KHDRBS2: variants seen among roughly 807,000 people sequenced by gnomAD.
The protein encoded by KHDRBS2 is KH RNA binding domain containing, signal transduction associated 2.
In KHDRBS2, 26 loss-of-function variants were observed where a neutral mutation model predicts 44.3. The observed-to-expected ratio is 0.59, with a 90% CI of 0.43 to 0.81. The LOEUF (loss-of-function observed/expected upper bound fraction) is 0.81. Ranked by LOEUF, KHDRBS2 falls within the 40% of genes least tolerant of loss-of-function variation. KHDRBS2 has a pLI of 0.00. For synonymous variants in KHDRBS2, 194 were observed against 151.1 expected (o/e 1.28, Z -2.08); for missense variants, 476 against 433.1 (o/e 1.10, Z -0.88).
chr6:62,233,247 C>G (rs528021455), intron 1 of KHDRBS2, among the ~76,000 whole-genome samples: 5 of 152,042 alleles, frequency 3.3e-5, no homozygotes, highest in Admixed American at 3.3e-4. Flanking sequence ...ATACATCCAA[C>G]AATAATCTCC....
the KHDRBS2 span, among the ~76,000 whole-genome samples, chr6:61,631,038 T>C: frequency 6.6e-6 from 1 of 151,908 alleles, no homozygotes; most frequent in Non-Finnish European, 1.5e-5. Flanking sequence ...GGAAGTTAAA[T>C]TTGATCCAAA....
chr6:62,235,465 C>T (rs2150162485), intron 1 of KHDRBS2, among the ~76,000 whole-genome samples: 1 of 152,078 alleles, frequency 6.6e-6, no homozygotes. Flanking sequence ...TTAATTATTA[C>T]AGAGAATTTT....
intron 4 of KHDRBS2, among the ~76,000 whole-genome samples, chr6:61,953,323 C>CTTACAAGACTTGTT (rs1432462873): frequency 6.6e-6 from 1 of 151,938 alleles, no homozygotes; most frequent in Non-Finnish European, 1.5e-5. Context: ...TTTTCAAAAA[C>CTTACAAGACTTGTT]TTACAAGACT....
chr6:62,008,493 T>A (rs1779683045), intron 3 of KHDRBS2, among the ~76,000 whole-genome samples: 1 of 152,226 alleles, frequency 6.6e-6, no homozygotes, highest in African/African-American at 2.4e-5. Context: ...ATTACAAGTC[T>A]ACAGATTTGA....
chr6:61,913,475 T>C (rs1347698423), intron 4 of KHDRBS2, among the ~76,000 whole-genome samples: 1 of 151,776 alleles, frequency 6.6e-6, no homozygotes, highest in African/African-American at 2.4e-5. Flanking sequence ...CTTTATTGCC[T>C]TCCTCAGTGA....
chr6:61,885,121 C>A (rs962499192), intron 6 of KHDRBS2, among the ~76,000 whole-genome samples: 2 of 151,952 alleles, frequency 1.3e-5, no homozygotes, highest in African/African-American at 4.8e-5. Context: ...TTTTATTAGT[C>A]AACAAATCCC....
the KHDRBS2 span, among the ~76,000 whole-genome samples, chr6:61,635,683 C>T: frequency 1.3e-5 from 2 of 151,950 alleles, no homozygotes; most frequent in South Asian, 4.1e-4. Flanking sequence ...ATCTCAAGGC[C>T]TGGAACAGAA....
intron 1 of KHDRBS2, among the ~76,000 whole-genome samples, chr6:62,238,652 T>G (rs1330229977): frequency 6.6e-6 from 1 of 151,334 alleles, no homozygotes; most frequent in African/African-American, 2.4e-5. Flanking sequence ...TGATAAATGC[T>G]AAGATGACTG....
chr6:61,593,904 T>C, the KHDRBS2 span, among the ~76,000 whole-genome samples: 1 of 152,170 alleles, frequency 6.6e-6, no homozygotes, highest in African/African-American at 2.4e-5. Flanking sequence ...GTCTATTGGC[T>C]TTATAAAGTC....
intron 6 of KHDRBS2, among the ~76,000 whole-genome samples, chr6:61,772,301 G>A (rs1781059975): frequency 6.6e-6 from 1 of 152,068 alleles, no homozygotes; most frequent in Admixed American, 6.6e-5. Context: ...CTAGCAGAAG[G>A]CAAGAAATAA....
chr6:61,862,926 T>C (rs1797216454), intron 6 of KHDRBS2, among the ~76,000 whole-genome samples: 1 of 152,112 alleles, frequency 6.6e-6, no homozygotes, highest in African/African-American at 2.4e-5. Flanking sequence ...TCTGGCAATA[T>C]TCATCTGGTA....
At chr6:61,867,853 T>G (rs1254040547) in intron 6 of KHDRBS2, among the ~76,000 whole-genome samples, 1 of 152,014 alleles carries the variant, frequency 6.6e-6, no homozygotes, top group Non-Finnish European at 1.5e-5. Context: ...TACTGACTGG[T>G]TGCCAGCCCA....
intron 2 of KHDRBS2, among the ~76,000 whole-genome samples, chr6:62,090,702 A>G (rs1284888175): frequency 1.3e-5 from 2 of 152,180 alleles, no homozygotes; most frequent in African/African-American, 4.8e-5. Context: ...AGTCTGATTT[A>G]AAAAGAAACA....
chr6:61,914,173 A>G (rs1187836607), intron 4 of KHDRBS2, among the ~76,000 whole-genome samples: 1 of 152,086 alleles, frequency 6.6e-6, no homozygotes, highest in African/African-American at 2.4e-5. Flanking sequence ...CATCTTTACC[A>G]GTACCATTAT....
chr6:62,263,307 AAC>A (rs138017971), intron 1 of KHDRBS2, among the ~76,000 whole-genome samples: 26,282 of 151,562 alleles, frequency 0.17, 2,513 homozygotes, highest in African/African-American at 0.27. Context: ...CTTTTTAAAA[AAC>A]ACAGTGGTAT....
chr6:61,882,654 G>A (rs1800368149), intron 6 of KHDRBS2, among the ~76,000 whole-genome samples: 1 of 151,948 alleles, frequency 6.6e-6, no homozygotes, highest in African/African-American at 2.4e-5. Context: ...AACATCTACA[G>A]CATCCCTAGT....
rs763912802 is a variant in KHDRBS2 at position 62,050,556 on chromosome 6, T to C, written c.220-2562A>G. Among the ~76,000 whole-genome samples the C allele has an allele frequency of 1.1e-4, 17 of 151,958 alleles. No homozygotes were observed. In the Middle Eastern group the frequency reaches 0.01, roughly 91 times the overall value. The stretch of plus-strand genomic sequence containing the variant: ...TCTGAAAAATGACTAATATCTATAA[T>C]CTATAAAGAACTCCATCGAATCAAT... On this transcript the variant is annotated intron_variant, in intron 2 of 8. Coordinates refer to ENST00000281156, the MANE Select transcript of KHDRBS2 (RefSeq NM_152688.4).
At chr6:62,053,594 ACAT>A (rs1789577854) in intron 2 of KHDRBS2, among the ~76,000 whole-genome samples, 1 of 151,982 alleles carries the variant, frequency 6.6e-6, no homozygotes, top group Non-Finnish European at 1.5e-5. Context: ...ATACAAACTC[ACAT>A]CATCTGAAAA....
chr6:61,989,300 T>G (rs1775669222), intron 3 of KHDRBS2, among the ~76,000 whole-genome samples: 1 of 152,190 alleles, frequency 6.6e-6, no homozygotes, highest in Non-Finnish European at 1.5e-5. Flanking sequence ...TGTCTCCCAG[T>G]TTCTGTCAAA....
Sources: allele counts gnomAD v4.1 joint callset (sites outside exome capture counted in the v4.1 genomes callset), GRCh38; gene constraint gnomAD v4.1.1; transcripts MANE v1.5; gene names NCBI Gene and HGNC (gene_info 2026-07-23, HGNC 2026-07-21).